Variants in ANXA10 observed in about 807,000 individuals in gnomAD.
ANXA10 encodes the protein annexin A10, also known as annexin 14.
Under a neutral mutation model 53.5 loss-of-function variants are expected in ANXA10, and 49 were observed. That is an observed-to-expected ratio of 0.92 (90% CI 0.73 to 1.16). ANXA10 has a LOEUF of 1.16. ANXA10 is among the 50% of genes most tolerant of loss of function. The probability of loss-of-function intolerance (pLI) is 0.00; values close to 1 mark genes in which losing one functional copy is unlikely to be tolerated. For synonymous variants in ANXA10, 131 were observed against 128.9 expected (o/e 1.02, Z -0.11); for missense variants, 393 against 394.4 (o/e 1.00, Z 0.03).
intron 6 of ANXA10, among the ~76,000 whole-genome samples, chr4:168,173,858 G>A (rs186017277): frequency 2.3e-4 from 35 of 152,026 alleles, no homozygotes; most frequent in Non-Finnish European, 3.1e-4. Flanking sequence ...ACACTGTTGC[G>A]CCCATCTTTG....
intron 1 of ANXA10, among the ~76,000 whole-genome samples, chr4:168,110,414 G>A (rs1283811615): frequency 1.3e-5 from 2 of 150,192 alleles, no homozygotes; most frequent in Non-Finnish European, 3.0e-5. Flanking sequence ...CCATATTAAC[G>A]ATGCTACAAC....
intron 3 of ANXA10, among the ~76,000 whole-genome samples, chr4:168,143,663 G>C (rs1731359830): frequency 6.6e-6 from 1 of 152,182 alleles, no homozygotes; most frequent in African/African-American, 2.4e-5. Flanking sequence ...ATGATTCTTG[G>C]AGAAGTTCAA....
intron 5 of ANXA10, 63 bp downstream of exon 5, chr4:168,164,351 A>G (rs559013525): frequency 8.5e-7 from 1 of 1,170,460 alleles, no homozygotes; most frequent in East Asian, 2.5e-5. Flanking sequence ...CACATTAAAT[A>G]TTCCAGTTTA....
intron 1 of ANXA10, among the ~76,000 whole-genome samples, chr4:168,107,792 G>T (rs968743604): frequency 6.6e-6 from 1 of 152,054 alleles, no homozygotes; most frequent in Non-Finnish European, 1.5e-5. Flanking sequence ...CCCATCATAG[G>T]ATCCCCATTC....
In ANXA10 at chr4:168,177,821, T is replaced by A; in HGVS notation, c.534+28T>A. ...AACTAGAACCAGTTCTCAGACTGACTGCAAAGAACCTGGGTTAAAATGGGC... is the reference window on the plus strand; with the variant it reads ...AACTAGAACCAGTTCTCAGACTGACAGCAAAGAACCTGGGTTAAAATGGGC... On this transcript the variant is annotated intron_variant, in intron 7 of 11. Coordinates refer to ENST00000359299, the MANE Select transcript of ANXA10 (RefSeq NM_007193.5). The A allele has an allele frequency of 5.0e-6, 8 of 1,614,122 alleles. No individual in the cohort carries two copies. In the South Asian group the frequency reaches 8.8e-5, roughly 18 times the overall value.
At chr4:168,139,642 G>A (rs1259716143) in intron 3 of ANXA10, 62 bp downstream of exon 3, 49 of 1,258,464 alleles carry the variant, frequency 3.9e-5, no homozygotes, top group Non-Finnish European at 5.3e-5. Context: ...CCACACTCAC[G>A]GATAATAGGT....
At position 168,145,013 on chromosome 4, in the gene ANXA10, G is replaced by A. The variant is rs1235995787; in HGVS notation, c.195+5433G>A. On this transcript the variant is annotated intron_variant, in intron 3 of 11. Coordinates refer to ENST00000359299, the MANE Select transcript of ANXA10 (RefSeq NM_007193.5). ...TGGGATTTTTAAGGATAATTTAGTG[G>A]GTAGGGGGTCAGAAAGTGTGGAGTG... is the stretch of plus-strand genomic sequence containing the variant. Among the ~76,000 whole-genome samples the A allele has an allele frequency of 9.9e-5, 15 of 152,210 alleles. No homozygotes were observed. In the East Asian group the frequency reaches 2.7e-3, roughly 27 times the overall value.
intron 3 of ANXA10, among the ~76,000 whole-genome samples, chr4:168,150,416 G>A (rs1299892333): frequency 6.6e-6 from 1 of 152,146 alleles, no homozygotes. Flanking sequence ...AATACTGTCA[G>A]CTGAAGAATA....
chr4:168,134,512 GATA>G (rs1200785388), intron 2 of ANXA10, among the ~76,000 whole-genome samples: 1 of 152,140 alleles, frequency 6.6e-6, no homozygotes, highest in African/African-American at 2.4e-5. Flanking sequence ...TCATAAATGT[GATA>G]ATAGTAAGAA....
chr4:168,156,103 A>ATT (rs1307573018), intron 3 of ANXA10, among the ~76,000 whole-genome samples: 141 of 58,968 alleles, frequency 2.4e-3, no homozygotes, highest in African/African-American at 8.9e-3. Flanking sequence ...TATTATATAT[A>ATT]AATATTATAT....
intron 3 of ANXA10, among the ~76,000 whole-genome samples, chr4:168,162,055 C>A (rs72691187): frequency 2.6e-5 from 4 of 152,028 alleles, no homozygotes; most frequent in Non-Finnish European, 4.4e-5. Flanking sequence ...TCTAAGACTA[C>A]TTAATTAATT....
intron 3 of ANXA10, among the ~76,000 whole-genome samples, chr4:168,147,703 G>A (rs1176153248): frequency 3.3e-5 from 5 of 152,094 alleles, no homozygotes; most frequent in African/African-American, 9.7e-5. Context: ...CTTTGAATTC[G>A]GGTTTACTTT....
chr4:168,161,483 T>G (rs1047075150), intron 3 of ANXA10, among the ~76,000 whole-genome samples: 3 of 152,182 alleles, frequency 2.0e-5, no homozygotes, highest in African/African-American at 7.2e-5. Context: ...TAGTTTGCAG[T>G]TGGGTAGTGT....
At chr4:168,175,845 T>C (rs547309678) in intron 6 of ANXA10, among the ~76,000 whole-genome samples, 1 of 152,312 alleles carries the variant, frequency 6.6e-6, no homozygotes, top group African/African-American at 2.4e-5. Context: ...TACACATTTA[T>C]GCAAAAATGG....
chr4:168,166,238 T>A (rs892125096), intron 6 of ANXA10, among the ~76,000 whole-genome samples: 3 of 152,216 alleles, frequency 2.0e-5, no homozygotes, highest in Non-Finnish European at 4.4e-5. Context: ...AGACTCTAAA[T>A]GCCAGCATAT....
At position 168,128,166 on chromosome 4, in the gene ANXA10, G is replaced by A; in HGVS notation, c.100+1G>A. 2 of 1,609,624 alleles carry A rather than the reference G, an allele frequency of 1.2e-6. No homozygotes were observed. The highest frequency in any genetic ancestry group is 1.7e-6 in the Non-Finnish European group (2 of 1,176,734). ...CTAGGAGGAGCACTCCAAGGATTTG[G>A]TAAGTCTGATTATTTCTACCATCTT... On this transcript the variant is annotated splice_donor_variant, in intron 2 of 11. Transcript: ENST00000359299. LOFTEE classifies it high-confidence loss of function.
intron 6 of ANXA10, among the ~76,000 whole-genome samples, chr4:168,174,429 C>G (rs1296300371): frequency 6.6e-6 from 1 of 152,210 alleles, no homozygotes; most frequent in African/African-American, 2.4e-5. Context: ...GCAATTGGAA[C>G]AGCCAGCTGG....
At chr4:168,127,737 C>T (rs768084286) in intron 1 of ANXA10, 17 of 497,812 alleles carry the variant, frequency 3.4e-5, no homozygotes, top group Non-Finnish European at 6.6e-5. Flanking sequence ...GTTTAACAGG[C>T]CTTGTGTGTA....
At chr4:168,155,791 TATAA>T (rs1731624173) in intron 3 of ANXA10, among the ~76,000 whole-genome samples, 1 of 44,884 alleles carries the variant, frequency 2.2e-5, no homozygotes, top group Admixed American at 4.3e-4. Context: ...ATATATTATA[TATAA>T]TATATAATAT....
Sources: allele counts gnomAD v4.1 joint callset (sites outside exome capture counted in the v4.1 genomes callset), GRCh38; gene constraint gnomAD v4.1.1; transcripts MANE v1.5; gene names NCBI Gene and HGNC (gene_info 2026-07-23, HGNC 2026-07-21).